The following AQR variants were observed in gnomAD, a reference collection of about 807,000 sequenced individuals.
AQR encodes aquarius intron-binding spliceosomal factor.
Under a neutral mutation model 180.5 loss-of-function variants are expected in AQR, and 61 were observed. The ratio of observed to expected loss-of-function variants is 0.34; its 90% CI spans 0.28 to 0.42. The LOEUF is 0.42. AQR is among the 10% of genes least tolerant of loss of function. The pLI, the probability that AQR is intolerant of heterozygous loss-of-function variation, is 1.00. For missense variants in AQR, 1,281 were observed against 1,798.3 expected (o/e 0.71, Z 5.20); for synonymous variants, 551 against 588.8 (o/e 0.94, Z 0.93).
At chr15:34,903,644 A>C (rs184361192) in intron 19 of AQR, among the ~76,000 whole-genome samples, 1 of 152,302 alleles carries the variant, frequency 6.6e-6, no homozygotes, top group Admixed American at 6.5e-5. Context: ...GTTACATAAA[A>C]GTAATAAAAT....
At position 34,910,241 on chromosome 15, in the gene AQR, G is replaced by A. The variant is rs761498158; in HGVS notation, c.1557C>T (p.Val519=). Reference sequence around the variant, plus strand: ...CTATGTTGGGTTTGGCCACTTCAACGACAGTGAAAGCCACAATGGGCTGGG... The same window carrying A: ...CTATGTTGGGTTTGGCCACTTCAACAACAGTGAAAGCCACAATGGGCTGGG... ...RMAQPIVAFT[V]VEVAKPNIGE... is the part of the protein sequence containing the mutation. Residue 519 remains valine, a synonymous_variant, in exon 17 of 35, where the codon GTC becomes GTT. Coordinates refer to ENST00000156471, the MANE Select transcript of AQR (RefSeq NM_014691.3). The A allele has an allele frequency of 1.1e-5, 17 of 1,614,030 alleles. No individual in the cohort carries two copies. Among genetic ancestry groups the A allele is most frequent in the African/African-American group, 5.3e-5 (4 of 74,908 alleles).
At chr15:34,966,817 G>A (rs538092581) in intron 1 of AQR, among the ~76,000 whole-genome samples, 64 of 150,688 alleles carry the variant, frequency 4.2e-4, no homozygotes, top group Non-Finnish European at 7.4e-4. Context: ...TACTGTTTAG[G>A]CTCTTCTAGA....
chr15:34,909,083 C>T (rs1893460355), intron 17 of AQR, among the ~76,000 whole-genome samples: 1 of 152,182 alleles, frequency 6.6e-6, no homozygotes, highest in South Asian at 2.1e-4. Flanking sequence ...ATTTGTTAAA[C>T]ATTTGGCTAG....
intron 15 of AQR, among the ~76,000 whole-genome samples, chr15:34,917,586 G>C (rs1893614015): frequency 6.6e-6 from 1 of 151,886 alleles, no homozygotes; most frequent in Non-Finnish European, 1.5e-5. Flanking sequence ...GAATTCAAAA[G>C]AGCCCCTAAG....
rs906599506 is a variant in AQR at position 34,853,942 on chromosome 15, C to T, written c.*2850G>A. 2 of 152,116 alleles carry T rather than the reference C, an allele frequency of 1.3e-5. No individual in the cohort carries two copies. The highest frequency in any genetic ancestry group is 2.9e-5 in the Non-Finnish European group (2 of 68,034). The allele number at this position is 152,116 out of a possible 1,614,324, so 9.4% of individuals were successfully genotyped here. ...CCAAAGTGTGTTTTATAATATCTTG[C>T]TGTCTCTTGATCATTACAAAATTTC... On this transcript the variant is annotated 3_prime_UTR_variant, in exon 35 of 35. Transcript: ENST00000156471.
intron 33 of AQR, among the ~76,000 whole-genome samples, chr15:34,860,356 T>C (rs1892651694): frequency 6.7e-6 from 1 of 150,234 alleles, no homozygotes; most frequent in South Asian, 2.1e-4. Context: ...ATAGAATTAA[T>C]AAAAAGGGGG....
At chr15:34,894,654 C>T (rs1046774057) in intron 22 of AQR, among the ~76,000 whole-genome samples, 1 of 151,858 alleles carries the variant, frequency 6.6e-6, no homozygotes, top group Admixed American at 6.6e-5. Flanking sequence ...AAAAATTCTA[C>T]TACTATCTGA....
At chr15:34,936,132 T>C (rs1893940034) in intron 9 of AQR, among the ~76,000 whole-genome samples, 1 of 152,206 alleles carries the variant, frequency 6.6e-6, no homozygotes, top group Non-Finnish European at 1.5e-5. Context: ...ATCCTTATCA[T>C]TTGTCTCAGC....
chr15:34,894,846 A>G (rs967766079), intron 22 of AQR, among the ~76,000 whole-genome samples: 2 of 151,906 alleles, frequency 1.3e-5, no homozygotes, highest in African/African-American at 4.8e-5. Context: ...CCACTAAGAA[A>G]ACACTACACC....
chr15:34,896,907 C>T lies in AQR; in HGVS notation c.2450G>A (p.Gly817Glu). The change falls in exon 22 of 35, where the codon GGG (glycine) becomes GAG (glutamate). Residue 817 changes from glycine (G) to glutamate (E), a missense_variant. Physicochemically the swap from Gly to Glu is moderately conservative, Grantham distance 98 (BLOSUM62 -2). Coordinates refer to ENST00000156471, the MANE Select transcript of AQR (RefSeq NM_014691.3). ...IEAIRAGMQP[G>E]LTMVVGPPGT... ...TAACAATTCTCTTACCATAGTCAGCCCAGGCTGCATTCCAGCACGGATGGC... is the reference window on the plus strand; with the variant it reads ...TAACAATTCTCTTACCATAGTCAGCTCAGGCTGCATTCCAGCACGGATGGC... 6.2e-7 allele frequency: 1 copy of T among 1,611,784 alleles called. No individual in the cohort carries two copies. The highest frequency in any genetic ancestry group is 8.5e-7 in the Non-Finnish European group (1 of 1,177,886).
Position 34,898,910 on chromosome 15 carries a change from G to A in AQR, c.2244-1205C>T, listed in dbSNP as rs1038214854. On this transcript the variant is annotated intron_variant, in intron 20 of 34. Coordinates refer to ENST00000156471, the MANE Select transcript of AQR (RefSeq NM_014691.3). Reference sequence around the variant, plus strand: ...TGGCCGGGCGCGGTGGCTCACGCCTGTAATCCCAGCACTTTGGGAGGCCAA... The same window carrying A: ...TGGCCGGGCGCGGTGGCTCACGCCTATAATCCCAGCACTTTGGGAGGCCAA... Among the ~76,000 whole-genome samples, 6 of 146,070 alleles carry A rather than the reference G, an allele frequency of 4.1e-5. 1 individual carries two copies. The South Asian group carries it at 1.3e-3, about 32-fold the overall frequency.
At position 34,926,632 on chromosome 15, in the gene AQR, A is replaced by G. The variant is rs540070962; in HGVS notation, c.1118+403T>C. 5.3e-5 allele frequency among the ~76,000 whole-genome samples: 8 copies of G among 152,364 alleles called. No individual in the cohort carries two copies. The South Asian group carries it at 1.7e-3, about 32-fold the overall frequency. ...ACTATTTTCAAAAGGATATATTAGC[A>G]GATAGCTAACTGCCAGAGGATATTA... On this transcript the variant is annotated intron_variant, in intron 13 of 34. Coordinates refer to ENST00000156471, the MANE Select transcript of AQR (RefSeq NM_014691.3).
chr15:34,961,612 C>CAAAAAAA (rs1178777471), intron 2 of AQR, among the ~76,000 whole-genome samples: 2 of 26,852 alleles, frequency 7.4e-5, no homozygotes, highest in Non-Finnish European at 1.3e-4. Context: ...GACTCCATCT[C>CAAAAAAA]AAAAAAAAAA....
At position 34,900,649 on chromosome 15, in the gene AQR, T is replaced by C. The variant is rs781673514; in HGVS notation, c.2216A>G (p.Asp739Gly). Residue 739 changes from aspartate (D) to glycine (G), a missense_variant, in exon 20 of 35, where the codon GAC becomes GGC. Asp to Gly is a moderately conservative substitution (Grantham distance 94, BLOSUM62 -1). This residue lies in a region of AQR where 112 missense variants were observed against 128.6 expected (regional missense o/e 0.87). Coordinates refer to ENST00000156471, the MANE Select transcript of AQR (RefSeq NM_014691.3). ...PGHNVKVTVE[D>G]PALQIPPFRI... The stretch of plus-strand genomic sequence containing the variant: ...GAAAGGGGGTATTTGTAGAGCAGGG[T>C]CTTCTACAGTTACTTTAACATTATG... 1.9e-6 allele frequency: 3 copies of C among 1,614,108 alleles called. No homozygotes were observed. Among genetic ancestry groups the C allele is most frequent in the Non-Finnish European group, 2.5e-6 (3 of 1,179,988 alleles).
chr15:34,950,554 C>G (rs572703267), intron 4 of AQR, among the ~76,000 whole-genome samples: 3 of 151,514 alleles, frequency 2.0e-5, no homozygotes, highest in East Asian at 1.9e-4. Flanking sequence ...TTCCCTCCCC[C>G]ACGTCTATCC....
intron 1 of AQR, among the ~76,000 whole-genome samples, chr15:34,965,754 T>C (rs903703730): frequency 6.6e-6 from 1 of 152,188 alleles, no homozygotes; most frequent in African/African-American, 2.4e-5. Flanking sequence ...CCCCCAGTTA[T>C]TCTGTGGTGT....
At chr15:34,896,857 A>C in intron 22 of AQR, 40 bp downstream of exon 22, 1 of 1,559,296 alleles carries the variant, frequency 6.4e-7, no homozygotes, top group Non-Finnish European at 8.8e-7. Context: ...CTCAGAAAAC[A>C]AACAAACAAA....
chr15:34,876,431 C>A (rs1377474979), intron 27 of AQR, among the ~76,000 whole-genome samples: 1 of 151,882 alleles, frequency 6.6e-6, no homozygotes, highest in East Asian at 1.9e-4. Flanking sequence ...TGAATCCTAC[C>A]CATCACAACA....
chr15:34,882,675 GA>G, intron 26 of AQR, 36 bp from the exon 27 acceptor site: 1 of 1,583,086 alleles, frequency 6.3e-7, no homozygotes, highest in Non-Finnish European at 8.6e-7. Flanking sequence ...ATAATTTTAG[GA>G]AAACGGAGTT....
Sources: allele counts gnomAD v4.1 joint callset (sites outside exome capture counted in the v4.1 genomes callset), GRCh38; gene constraint gnomAD v4.1.1; regional missense constraint gnomAD v4.1.1; transcripts MANE v1.5; gene names NCBI Gene and HGNC (gene_info 2026-07-23, HGNC 2026-07-21).